MLIP: variants seen among roughly 807,000 people sequenced by gnomAD.
MLIP encodes muscular LMNA-interacting protein.
Under a neutral mutation model 84.8 loss-of-function variants are expected in MLIP, and 79 were observed. That is an observed-to-expected ratio of 0.93 (90% CI 0.78 to 1.12). The LOEUF (loss-of-function observed/expected upper bound fraction) is 1.12, where lower values mean the gene tolerates loss of function less well. Ranked by LOEUF, MLIP falls within the 50% of genes most tolerant of loss-of-function variation. The pLI, the probability that MLIP is intolerant of heterozygous loss-of-function variation, is 0.00. For missense variants in MLIP, 1,257 were observed against 1,160.6 expected, an observed-to-expected ratio of 1.08 and a Z score of -1.21; for synonymous variants, 504 against 463.0, an observed-to-expected ratio of 1.09 and a Z score of -1.14.
chr6:54,100,871 C>G (rs1184087422), intron 1 of MLIP, among the ~76,000 whole-genome samples: 1 of 152,144 alleles, frequency 6.6e-6, no homozygotes, highest in Non-Finnish European at 1.5e-5. Context: ...CTGTAGACAT[C>G]AGCTGGTTTG....
At position 54,138,189 on chromosome 6, in the gene MLIP, C is replaced by T. The variant is rs1283425863; in HGVS notation, c.2120C>T (p.Ser707Leu). Residue 707 changes from serine (S) to leucine (L), a missense_variant, in exon 4 of 14, where the codon TCA becomes TTA. Physicochemically the swap from Ser to Leu is moderately radical, Grantham distance 145 (BLOSUM62 -2). Coordinates refer to ENST00000502396, the MANE Select transcript of MLIP (RefSeq NM_001281747.2). ...STTPNHRSPV[S>L]TPSLPISLTR... is the part of the protein sequence containing the mutation. ...ACCCCCAACCACAGGTCACCTGTTT[C>T]AACCCCATCACTTCCCATATCTCTA... 1 of 1,536,146 alleles carries T rather than the reference C, an allele frequency of 6.5e-7. No homozygotes were observed. Among genetic ancestry groups the T allele is most frequent in the Non-Finnish European group, 8.7e-7 (1 of 1,146,898 alleles).
chr6:54,220,841 C>T (rs1780169524), intron 11 of MLIP, among the ~76,000 whole-genome samples: 1 of 151,980 alleles, frequency 6.6e-6, no homozygotes, highest in Non-Finnish European at 1.5e-5. Flanking sequence ...GGCATAATAG[C>T]AGTGGGCTAC....
chr6:54,118,861 A>C (rs1770187205), intron 1 of MLIP, among the ~76,000 whole-genome samples: 1 of 152,244 alleles, frequency 6.6e-6, no homozygotes, highest in South Asian at 2.1e-4. Context: ...AATACATCTG[A>C]ATAGACATCT....
rs114816575 is a variant in MLIP, at chr6:54,256,936, T to C, written c.2923-372T>C. On this transcript the variant is annotated intron_variant, in intron 12 of 13. Coordinates refer to ENST00000502396, the MANE Select transcript of MLIP (RefSeq NM_001281747.2). ...CTTTGGAGCTTTTCAGTTAGAGGCC[T>C]ATTATCTGAGAGGTGAAGCATAAAT... 6.5e-3 allele frequency among the ~76,000 whole-genome samples: 991 copies of C among 152,272 alleles called. 12 individuals are homozygous for C. The highest frequency in any genetic ancestry group is 0.023 in the African/African-American group (938 of 41,566).
intron 12 of MLIP, among the ~76,000 whole-genome samples, chr6:54,246,387 T>G (rs1782084662): frequency 6.6e-6 from 1 of 152,066 alleles, no homozygotes; most frequent in African/African-American, 2.4e-5. Flanking sequence ...TATAATATCT[T>G]TTTTTCTGTC....
intron 4 of MLIP, among the ~76,000 whole-genome samples, chr6:54,146,241 A>G (rs1271938768): frequency 4.6e-5 from 7 of 152,250 alleles, no homozygotes; most frequent in Admixed American, 4.6e-4. Flanking sequence ...AACTCTCCAC[A>G]AAAACTAAGG....
intron 8 of MLIP, among the ~76,000 whole-genome samples, chr6:54,166,639 T>C (rs1775224994): frequency 1.3e-5 from 2 of 151,972 alleles, no homozygotes; most frequent in African/African-American, 4.8e-5. Context: ...TCCCAAACTG[T>C]TAATGTTGGG....
upstream of MLIP, among the ~76,000 whole-genome samples, chr6:54,109,344 G>GA: frequency 6.6e-6 from 1 of 152,136 alleles, no homozygotes. Flanking sequence ...AGAATCTGTG[G>GA]AAATCTTACA....
chr6:54,173,846 G>A (rs1776013210), intron 9 of MLIP, among the ~76,000 whole-genome samples: 1 of 150,516 alleles, frequency 6.6e-6, no homozygotes, highest in South Asian at 2.1e-4. Flanking sequence ...TATTTTTTTT[G>A]TACTCGATAA....
At chr6:54,141,075 C>G (rs1582254560) in intron 4 of MLIP, among the ~76,000 whole-genome samples, 2 of 152,114 alleles carry the variant, frequency 1.3e-5, no homozygotes, top group East Asian at 3.8e-4. Flanking sequence ...AGTCTGGGCT[C>G]TACTGTCCTT....
intron 11 of MLIP, chr6:54,217,802 C>G: frequency 1.0e-6 from 1 of 984,736 alleles, no homozygotes; most frequent in Non-Finnish European, 1.2e-6. Flanking sequence ...TTTATGATCC[C>G]TGTACATCCC....
At chr6:54,118,389 C>A (rs1468771820) in intron 1 of MLIP, among the ~76,000 whole-genome samples, 1 of 152,206 alleles carries the variant, frequency 6.6e-6, no homozygotes, top group Admixed American at 6.5e-5. Flanking sequence ...TTACAGCCAA[C>A]TGATGTTTGA....
chr6:54,136,844 T>G lies in MLIP; in HGVS notation c.775T>G (p.Phe259Val). The change falls in exon 4 of 14, where the codon TTC becomes GTC. Residue 259 changes from phenylalanine (F) to valine (V), a missense_variant. Transcript: ENST00000502396. ...NLEGASVLEE[F>V]HTRRLDVGGA... Reference sequence around the variant, plus strand: ...CGAGGGAGCCTCTGTCCTAGAGGAGTTCCACACTAGGAGGCTGGATGTCGG... The same window carrying G: ...CGAGGGAGCCTCTGTCCTAGAGGAGGTCCACACTAGGAGGCTGGATGTCGG... The G allele has an allele frequency of 3.3e-6, 5 of 1,534,696 alleles. No individual in the cohort carries two copies. The highest frequency in any genetic ancestry group is 4.4e-6 in the Non-Finnish European group (5 of 1,145,830).
chr6:54,165,538 G>A (rs1321458673), intron 8 of MLIP, among the ~76,000 whole-genome samples: 1 of 151,904 alleles, frequency 6.6e-6, no homozygotes, highest in East Asian at 1.9e-4. Context: ...ATGTGTTGTG[G>A]CATGAGAAAG....
At chr6:54,094,619 G>A (rs1194253386) in intron 1 of MLIP, among the ~76,000 whole-genome samples, 1 of 150,806 alleles carries the variant, frequency 6.6e-6, no homozygotes, top group Non-Finnish European at 1.5e-5. Flanking sequence ...ACAAAGCTAA[G>A]AAGAAGAAAG....
chr6:54,213,911 G>C (rs1267069817), intron 11 of MLIP, among the ~76,000 whole-genome samples: 1 of 151,766 alleles, frequency 6.6e-6, no homozygotes, highest in Non-Finnish European at 1.5e-5. Context: ...TAAAACCATG[G>C]TCTATTCTGT....
intron 11 of MLIP, among the ~76,000 whole-genome samples, chr6:54,208,157 T>G (rs944414954): frequency 5.9e-5 from 9 of 152,170 alleles, no homozygotes; most frequent in African/African-American, 2.2e-4. Flanking sequence ...TAAAATAGAA[T>G]GTTTTAATTC....
At chr6:54,019,205 G>T in intron 1 of MLIP, 1 of 1,019,752 alleles carries the variant, frequency 9.8e-7, no homozygotes, top group Non-Finnish European at 1.5e-6. Context: ...ATGTTTTGCT[G>T]GTCAATAACT....
chr6:54,101,108 T>C (rs1019778600), intron 1 of MLIP, among the ~76,000 whole-genome samples: 8 of 152,116 alleles, frequency 5.3e-5, no homozygotes, highest in African/African-American at 1.7e-4. Context: ...TCATGTAACT[T>C]CTGATGAGTA....
Sources: gnomAD v4.1 joint callset for allele counts (sites outside exome capture counted in the v4.1 genomes callset) on GRCh38, gnomAD v4.1.1 for gene constraint, MANE v1.5 for transcripts, NCBI Gene and HGNC (gene_info 2026-07-23, HGNC 2026-07-21) for gene names.